The following GABRB1 variants were observed in gnomAD, a reference collection of about 807,000 sequenced individuals.
GABRB1 encodes gamma-aminobutyric acid type A receptor subunit beta1.
In GABRB1, 17 loss-of-function variants were observed where a neutral mutation model predicts 51.6. That is an observed-to-expected ratio of 0.33 (90% CI 0.23 to 0.49). The LOEUF (loss-of-function observed/expected upper bound fraction) is 0.49. Ranked by LOEUF, GABRB1 falls within the 20% of genes least tolerant of loss-of-function variation. The pLI is 0.99. For missense variants in GABRB1, 410 were observed against 600.6 expected, an observed-to-expected ratio of 0.68 and a Z score of 3.32; for synonymous variants, 247 against 218.9, an observed-to-expected ratio of 1.13 and a Z score of -1.14.
intron 5 of GABRB1, among the ~76,000 whole-genome samples, chr4:47,399,816 A>G (rs1728318562): frequency 6.6e-6 from 1 of 152,146 alleles, no homozygotes; most frequent in Non-Finnish European, 1.5e-5. Flanking sequence ...AGCATTGTGT[A>G]TAAGAAGTTC....
chr4:47,393,712 ACTT>A (rs1728085551), intron 5 of GABRB1, among the ~76,000 whole-genome samples: 1 of 152,170 alleles, frequency 6.6e-6, no homozygotes, highest in Non-Finnish European at 1.5e-5. Context: ...CCTATATGTT[ACTT>A]CTTCTGCCAG....
intron 5 of GABRB1, among the ~76,000 whole-genome samples, chr4:47,393,484 A>G (rs1332098154): frequency 6.6e-6 from 1 of 152,114 alleles, no homozygotes; most frequent in East Asian, 1.9e-4. Flanking sequence ...CCTACACTCA[A>G]TCCTGGCTAC....
At chr4:47,249,852 G>C (rs1721914640) in intron 4 of GABRB1, among the ~76,000 whole-genome samples, 1 of 152,152 alleles carries the variant, frequency 6.6e-6, no homozygotes, top group Non-Finnish European at 1.5e-5. Context: ...GAAGGCAGCA[G>C]ATAGTAGATT....
In GABRB1 at chr4:47,248,810, G is replaced by T. The variant is rs986136568; in HGVS notation, c.462-71317G>T. Among the ~76,000 whole-genome samples the T allele has an allele frequency of 3.9e-5, 6 of 152,100 alleles. No individual in the cohort carries two copies. The South Asian group carries it at 1.2e-3, about 32-fold the overall frequency. On this transcript the variant is annotated intron_variant, in intron 4 of 8. Coordinates refer to ENST00000295454, the MANE Select transcript of GABRB1 (RefSeq NM_000812.4). ...TATGTACACAAAGGTGTTCATAGTA[G>T]CCTTGATTGGTCTTTCGTATTGCAG... is the stretch of plus-strand genomic sequence containing the variant.
intron 2 of GABRB1, 108 bp from the exon 3 acceptor site, chr4:47,032,309 G>C: frequency 9.6e-7 from 1 of 1,039,070 alleles, no homozygotes; most frequent in Non-Finnish European, 1.4e-6. Context: ...GGGGGGAGCA[G>C]GGAGGGAGCC....
intron 4 of GABRB1, among the ~76,000 whole-genome samples, chr4:47,209,683 C>T (rs1465739180): frequency 2.0e-5 from 3 of 150,452 alleles, no homozygotes; most frequent in African/African-American, 7.3e-5. Flanking sequence ...CATAGATGTA[C>T]AAAAAAAGCT....
chr4:47,286,581 T>C (rs1444480038), intron 4 of GABRB1, among the ~76,000 whole-genome samples: 1 of 95,574 alleles, frequency 1.0e-5, no homozygotes, highest in East Asian at 6.2e-4. Flanking sequence ...TCAACTGTGC[T>C]AAAAAGACAA....
chr4:47,067,629 TTATTAC>T (rs1277464087), intron 3 of GABRB1, among the ~76,000 whole-genome samples: 2 of 151,888 alleles, frequency 1.3e-5, no homozygotes, highest in African/African-American at 4.8e-5. Context: ...ATTATTATTA[TTATTAC>T]TATTATTGTT....
chr4:47,005,413 G>T (rs1577816999), intron 1 of GABRB1, among the ~76,000 whole-genome samples: 1 of 151,674 alleles, frequency 6.6e-6, no homozygotes. Flanking sequence ...GTGGGACTCC[G>T]TCTCAAACAA....
chr4:47,407,060 T>A, intron 8 of GABRB1, 134 bp downstream of exon 8: 1 of 899,442 alleles, frequency 1.1e-6, no homozygotes. Context: ...GCCTTCATTT[T>A]ACATATTCAG....
chr4:47,140,069 T>C (rs1020255175), intron 3 of GABRB1, among the ~76,000 whole-genome samples: 15 of 149,636 alleles, frequency 1.0e-4, no homozygotes, highest in Middle Eastern at 3.4e-3. Context: ...AGCAGGTTAA[T>C]ATTCCTGGTA....
upstream of GABRB1, chr4:47,031,403 C>G (rs1185176356): frequency 9.2e-6 from 5 of 544,952 alleles, no homozygotes; most frequent in South Asian, 9.1e-5. Flanking sequence ...GTAGGATCCC[C>G]TGCGTGGAAA....
At chr4:47,031,830 T>A in intron 1 of GABRB1, 84 bp from the exon 2 acceptor site, 2 of 1,498,028 alleles carry the variant, frequency 1.3e-6, no homozygotes, top group Non-Finnish European at 1.9e-6. Context: ...ATCTTGTTGT[T>A]TGGGGGTAGG....
chr4:47,376,743 G>GTGAAAGGAAA (rs139640937), intron 5 of GABRB1, among the ~76,000 whole-genome samples: 31,879 of 151,636 alleles, frequency 0.21, 4,001 homozygotes, highest in Middle Eastern at 0.35. Flanking sequence ...GATTTGAGCA[G>GTGAAAGGAAA]TGAAAGGAAA....
intron 5 of GABRB1, among the ~76,000 whole-genome samples, chr4:47,333,247 A>C (rs1311339944): frequency 7.0e-6 from 1 of 142,624 alleles, no homozygotes; most frequent in Non-Finnish European, 1.5e-5. Flanking sequence ...CACACCACGT[A>C]TTAATATGAA....
At chr4:46,995,548 G>C (rs1723965747) in intron 1 of GABRB1, among the ~76,000 whole-genome samples, 1 of 152,040 alleles carries the variant, frequency 6.6e-6, no homozygotes, top group Non-Finnish European at 1.5e-5. Flanking sequence ...TTTTTGTAGA[G>C]ATGTGGGGGC....
intron 1 of GABRB1, among the ~76,000 whole-genome samples, chr4:47,007,876 A>ATATATATATATATATATATATATATG (rs1560494114): frequency 4.6e-5 from 1 of 21,616 alleles, no homozygotes; most frequent in Non-Finnish European, 1.3e-4. Flanking sequence ...GTATATATAT[A>ATATATATATATATATATATATATATG]TATATATATA....
intron 5 of GABRB1, among the ~76,000 whole-genome samples, chr4:47,364,567 A>G (rs1726915382): frequency 6.6e-6 from 1 of 151,868 alleles, no homozygotes; most frequent in Non-Finnish European, 1.5e-5. Flanking sequence ...AAGGTTCAAC[A>G]AAGATAAAAC....
intron 4 of GABRB1, among the ~76,000 whole-genome samples, chr4:47,279,962 G>A (rs1402490016): frequency 6.6e-6 from 1 of 151,398 alleles, no homozygotes; most frequent in Non-Finnish European, 1.5e-5. Flanking sequence ...GATGTCTTTG[G>A]GTTGGAGAAT....
Sources: allele counts gnomAD v4.1 joint callset (sites outside exome capture counted in the v4.1 genomes callset), GRCh38; gene constraint gnomAD v4.1.1; transcripts MANE v1.5; gene names NCBI Gene and HGNC (gene_info 2026-07-23, HGNC 2026-07-21).